The following PCDH11X variants were observed in gnomAD, a reference collection of about 807,000 sequenced individuals.
The protein encoded by PCDH11X is protocadherin 11 X-linked, also known as protocadherin-11 X-linked.
In PCDH11X, 18 loss-of-function variants were observed where a neutral mutation model predicts 53.3. The ratio of observed to expected loss-of-function variants is 0.34; its 90% CI spans 0.23 to 0.50. The LOEUF (loss-of-function observed/expected upper bound fraction) is 0.50, where lower values mean the gene tolerates loss of function less well. Ranked by LOEUF, PCDH11X falls within the 20% of genes least tolerant of loss-of-function variation. PCDH11X has a pLI of 0.98. For synonymous variants in PCDH11X, 279 were observed against 393.3 expected (o/e 0.71, Z 3.44); for missense variants, 570 against 1,032.4 (o/e 0.55, Z 6.14).
At chrX:92,214,801 C>A (rs1332490784) in intron 7 of PCDH11X, among the ~76,000 whole-genome samples, 1 of 111,594 alleles carries the variant, frequency 9.0e-6, no homozygotes, top group Non-Finnish European at 1.9e-5. Context: ...GTAATCTCAG[C>A]AATTTGGGAA....
At chrX:92,020,456 C>G (rs1019023408) in intron 6 of PCDH11X, among the ~76,000 whole-genome samples, 2 of 111,846 alleles carry the variant, frequency 1.8e-5, no homozygotes, top group Non-Finnish European at 3.8e-5. Flanking sequence ...TCAGACCTGA[C>G]CCTGACCCAT....
Position 92,438,363 on chromosome X carries a change from GTTGAA to G in PCDH11X, c.3344-29933_3344-29929del, listed in dbSNP as rs1236963929. ...TATTATTAAGGGAATTGATTATTTT[GTTGAA>G]TTTAATTTAAAATGTTAATTATGTA... is the stretch of plus-strand genomic sequence containing the variant. On this transcript the variant is annotated intron_variant, in intron 9 of 10. Coordinates refer to ENST00000682573, the MANE Select transcript of PCDH11X (RefSeq NM_032968.5). 2.7e-5 allele frequency among the ~76,000 whole-genome samples: 3 copies of G among 111,416 alleles called. No individual in the cohort carries two copies. The South Asian group carries it at 1.1e-3, about 42-fold the overall frequency.
At position 91,835,960 on chromosome X, in the gene PCDH11X, G is replaced by A. The variant is rs148082586; in HGVS notation, c.456G>A (p.Ser152=). 2.2e-5 allele frequency: 27 copies of A among 1,207,727 alleles called. No homozygotes were observed. In the African/African-American group the frequency reaches 4.3e-4, roughly 19 times the overall value. ...TVINISIPEN[S]AINSKYTLPA... ...TCAACATATCAATTCCAGAGAACTC[G>A]GCTATAAACTCTAAATATACTCTCC... Residue 152 remains serine, a synonymous_variant, in exon 5 of 11, where the codon TCG becomes TCA. Coordinates refer to ENST00000682573, the MANE Select transcript of PCDH11X (RefSeq NM_032968.5).
intron 6 of PCDH11X, among the ~76,000 whole-genome samples, chrX:92,102,737 A>G (rs1284584028): frequency 9.0e-6 from 1 of 111,200 alleles, no homozygotes; most frequent in Admixed American, 9.6e-5. Context: ...TGAGATCTAG[A>G]ACAGAATAAT....
At chrX:91,865,756 A>G (rs1008604682) in intron 5 of PCDH11X, among the ~76,000 whole-genome samples, 1 of 112,057 alleles carries the variant, frequency 8.9e-6, no homozygotes, top group Non-Finnish European at 1.9e-5. Context: ...CCAAAGGCAG[A>G]GAAGCCTCAT....
chrX:92,609,054 C>G (rs1438688840), intron 10 of PCDH11X, among the ~76,000 whole-genome samples: 2 of 111,265 alleles, frequency 1.8e-5, no homozygotes, highest in Non-Finnish European at 3.8e-5. Flanking sequence ...TGAGACTCAT[C>G]CATGTTGCTC....
chrX:92,314,057 C>A (rs1417922161), intron 8 of PCDH11X, among the ~76,000 whole-genome samples: 1 of 111,235 alleles, frequency 9.0e-6, no homozygotes, highest in Non-Finnish European at 1.9e-5. Context: ...AATAAATGAA[C>A]CTTAGCCTAT....
intron 6 of PCDH11X, among the ~76,000 whole-genome samples, chrX:92,021,483 A>G (rs992832668): frequency 3.6e-5 from 4 of 110,525 alleles, no homozygotes; most frequent in African/African-American, 1.3e-4. Context: ...AAATAAAGAA[A>G]TGGAACGAAC....
intron 10 of PCDH11X, among the ~76,000 whole-genome samples, chrX:92,533,988 C>T (rs1485017087): frequency 1.0e-5 from 1 of 100,337 alleles, no homozygotes; most frequent in Non-Finnish European, 2.0e-5. Flanking sequence ...ACCAGAGCTC[C>T]TCTTCTCCTC....
rs1265091785 is a variant in PCDH11X at position 91,877,740 on chromosome X, G to A, written c.1500G>A (p.Lys500=). ...AMDADSGPNA[K]INYLLGPDAP... ...ATGCAGACAGTGGGCCTAATGCTAA[G>A]ATCAATTACCTGCTAGGCCCTGATG... The change falls in exon 6 of 11, where the codon AAG becomes AAA. Residue 500 remains lysine, a synonymous_variant. Transcript: ENST00000682573. 8 of 1,211,685 alleles carry A rather than the reference G, an allele frequency of 6.6e-6. No homozygotes were observed. Among genetic ancestry groups the A allele is most frequent in the Non-Finnish European group, 8.9e-6 (8 of 895,468 alleles).
chrX:92,429,921 T>C (rs1471202601), intron 9 of PCDH11X, among the ~76,000 whole-genome samples: 1 of 107,568 alleles, frequency 9.3e-6, no homozygotes, highest in Non-Finnish European at 1.9e-5. Flanking sequence ...TCTTGGGAGA[T>C]TCTGTCTGTG....
chrX:92,293,374 C>T (rs1456646157), intron 8 of PCDH11X, among the ~76,000 whole-genome samples: 3 of 110,317 alleles, frequency 2.7e-5, no homozygotes, highest in Non-Finnish European at 5.7e-5. Flanking sequence ...CCTGTAATCC[C>T]AGCACTTTGG....
intron 10 of PCDH11X, among the ~76,000 whole-genome samples, chrX:92,597,350 A>G (rs1477010093): frequency 9.0e-6 from 1 of 111,066 alleles, no homozygotes; most frequent in Non-Finnish European, 1.9e-5. Context: ...TGAAATAAAA[A>G]TACAATAATC....
At chrX:92,137,003 G>C (rs1178999395) in intron 6 of PCDH11X, among the ~76,000 whole-genome samples, 5 of 96,188 alleles carry the variant, frequency 5.2e-5, no homozygotes, top group African/African-American at 2.0e-4. Context: ...TTTTTCTTGA[G>C]ACAGAATCTC....
chrX:92,135,108 A>C (rs952986827), intron 6 of PCDH11X, among the ~76,000 whole-genome samples: 6 of 110,490 alleles, frequency 5.4e-5, no homozygotes, highest in African/African-American at 6.6e-5. Flanking sequence ...ATAAGGTCCT[A>C]GAGAGAGAGT....
intron 10 of PCDH11X, among the ~76,000 whole-genome samples, chrX:92,535,259 A>G: frequency 8.9e-6 from 1 of 111,962 alleles, no homozygotes; most frequent in Admixed American, 9.5e-5. Flanking sequence ...ATACAACGAC[A>G]TGCAATCAAC....
At chrX:92,293,816 G>A (rs1242700935) in intron 8 of PCDH11X, among the ~76,000 whole-genome samples, 6 of 94,094 alleles carry the variant, frequency 6.4e-5, no homozygotes, top group Non-Finnish European at 1.1e-4. Flanking sequence ...TCAAAAACAA[G>A]GAAAACCTGA....
At chrX:92,499,934 C>A (rs898979429) in intron 10 of PCDH11X, among the ~76,000 whole-genome samples, 27 of 109,888 alleles carry the variant, frequency 2.5e-4, no homozygotes, top group Non-Finnish European at 4.4e-4. Flanking sequence ...TACAATTTTT[C>A]TCTGGCATTT....
At chrX:92,170,471 G>C (rs1166563273) in intron 6 of PCDH11X, among the ~76,000 whole-genome samples, 1 of 110,767 alleles carries the variant, frequency 9.0e-6, no homozygotes, top group African/African-American at 3.3e-5. Flanking sequence ...TCCTGGGGTA[G>C]AATCAGTTCA....
Sources: allele counts gnomAD v4.1 joint callset (sites outside exome capture counted in the v4.1 genomes callset), GRCh38; gene constraint gnomAD v4.1.1; transcripts MANE v1.5; gene names NCBI Gene and HGNC (gene_info 2026-07-23, HGNC 2026-07-21).